Variants in JARID2 observed in about 807,000 individuals in gnomAD.
JARID2 encodes the protein jumonji and AT-rich interaction domain containing 2.
JARID2 carries 21 observed loss-of-function variants against 125.6 expected under a neutral mutation model. The ratio of observed to expected loss-of-function variants is 0.17; its 90% CI spans 0.12 to 0.24. The LOEUF is 0.24. Among genes scored for constraint, JARID2 ranks in the 10% least tolerant of loss-of-function variants. The probability of loss-of-function intolerance (pLI) is 1.00; values close to 1 mark genes in which losing one functional copy is unlikely to be tolerated. For missense variants in JARID2, 1,303 were observed against 1,639.6 expected, an observed-to-expected ratio of 0.79 and a Z score of 3.55; for synonymous variants, 736 against 661.6, an observed-to-expected ratio of 1.11 and a Z score of -1.73.
In JARID2 at chr6:15,470,366, G is replaced by C. The variant is rs564285152; in HGVS notation, c.670+1648G>C. On this transcript the variant is annotated intron_variant, in intron 5 of 17. Coordinates refer to ENST00000341776, the MANE Select transcript of JARID2 (RefSeq NM_004973.4). Reference sequence around the variant, plus strand: ...CGGAAAATCAGTGCTGTCTGTAAGTGATTGAGGCAAAGGAGAGCTGCTCAT... The same window carrying C: ...CGGAAAATCAGTGCTGTCTGTAAGTCATTGAGGCAAAGGAGAGCTGCTCAT... Among the ~76,000 whole-genome samples, 590 of 152,304 alleles carry C rather than the reference G, an allele frequency of 3.9e-3. 4 individuals carry two copies. The highest frequency in any genetic ancestry group is 0.02 in the Middle Eastern group (6 of 294).
At chr6:15,249,044 G>A (rs868421663) in intron 1 of JARID2, 2 of 745,836 alleles carry the variant, frequency 2.7e-6, no homozygotes, top group Admixed American at 6.3e-5. Flanking sequence ...CGGGGAGCGG[G>A]GAGGAGGCGC....
intron 3 of JARID2, among the ~76,000 whole-genome samples, chr6:15,429,494 G>T (rs973527758): frequency 1.3e-5 from 2 of 151,956 alleles, no homozygotes; most frequent in African/African-American, 4.8e-5. Context: ...GCGAACTCCT[G>T]GTGGCCTCAA....
intron 1 of JARID2, among the ~76,000 whole-genome samples, chr6:15,310,484 G>A (rs1000352727): frequency 2.6e-5 from 4 of 152,166 alleles, no homozygotes; most frequent in African/African-American, 7.2e-5. Context: ...AATTAAACAA[G>A]GATGGCCCTG....
chr6:15,418,529 G>C (rs1418650522), intron 3 of JARID2, among the ~76,000 whole-genome samples: 1 of 152,168 alleles, frequency 6.6e-6, no homozygotes, highest in Non-Finnish European at 1.5e-5. Flanking sequence ...ATATTCTTTA[G>C]AAGGGTATAT....
At chr6:15,338,911 CACTA>C in intron 1 of JARID2, among the ~76,000 whole-genome samples, 1 of 152,264 alleles carries the variant, frequency 6.6e-6, no homozygotes, top group Non-Finnish European at 1.5e-5. Context: ...TTCAGAATTT[CACTA>C]AAATATTTGA....
intron 7 of JARID2, among the ~76,000 whole-genome samples, chr6:15,500,677 A>G (rs1233724148): frequency 6.6e-6 from 1 of 151,914 alleles, no homozygotes; most frequent in East Asian, 1.9e-4. Context: ...TCCCCACCTA[A>G]AATGGTAGTC....
chr6:15,299,442 G>T (rs1036312500), intron 1 of JARID2, among the ~76,000 whole-genome samples: 2 of 152,170 alleles, frequency 1.3e-5, no homozygotes, highest in East Asian at 3.9e-4. Flanking sequence ...CAAAACATTT[G>T]TTGAGTCCCA....
At chr6:15,360,050 G>C (rs1323636561) in intron 1 of JARID2, among the ~76,000 whole-genome samples, 1 of 152,126 alleles carries the variant, frequency 6.6e-6, no homozygotes, top group Non-Finnish European at 1.5e-5. Context: ...TCTCTTATGA[G>C]TTAGGGCTTG....
intron 1 of JARID2, among the ~76,000 whole-genome samples, chr6:15,313,419 G>A (rs1029028660): frequency 1.3e-5 from 2 of 152,114 alleles, no homozygotes; most frequent in African/African-American, 4.8e-5. Flanking sequence ...CCAAGCCCTA[G>A]GAGGTACTGC....
intron 1 of JARID2, chr6:15,324,332 T>C (rs1464259903): frequency 6.6e-6 from 1 of 152,196 alleles, no homozygotes; most frequent in Non-Finnish European, 1.5e-5. Flanking sequence ...CTTGGAGTTT[T>C]ATAATTTTTT....
intron 1 of JARID2, among the ~76,000 whole-genome samples, chr6:15,246,954 G>GTTA (rs1338207979): frequency 6.6e-6 from 1 of 152,188 alleles, no homozygotes; most frequent in Non-Finnish European, 1.5e-5. Context: ...ATGAGCCTGT[G>GTTA]TTATTATTAT....
At chr6:15,368,973 G>T (rs574876446) in intron 1 of JARID2, among the ~76,000 whole-genome samples, 1 of 152,060 alleles carries the variant, frequency 6.6e-6, no homozygotes, top group African/African-American at 2.4e-5. Context: ...CTAACAGGCT[G>T]CCGAGTGGTT....
Position 15,496,475 on chromosome 6 carries a change from C to T in JARID2, c.1250C>T (p.Ser417Leu). ...LKVSGRLNPK[S>L]CTKEVGGRQL... ...GTCAGTGGCAGGTTGAACCCAAAGT[C>T]ATGCACTAAGGAGGTGGGGGGGCGG... is the stretch of plus-strand genomic sequence containing the variant. The change falls in exon 7 of 18, where the codon TCA becomes TTA. Residue 417 changes from serine (S) to leucine (L), a missense_variant. By Grantham distance (145) the Ser-to-Leu change is moderately radical. Transcript: ENST00000341776. The T allele has an allele frequency of 2.5e-6, 4 of 1,613,054 alleles. No homozygotes were observed. The highest frequency in any genetic ancestry group is 3.4e-6 in the Non-Finnish European group (4 of 1,179,578).
At chr6:15,270,753 G>T (rs911598810) in intron 1 of JARID2, among the ~76,000 whole-genome samples, 2 of 152,062 alleles carry the variant, frequency 1.3e-5, no homozygotes, top group Non-Finnish European at 2.9e-5. Flanking sequence ...TTTGAAACTA[G>T]CCTGGGCCAC....
intron 8 of JARID2, among the ~76,000 whole-genome samples, chr6:15,503,161 C>G (rs143327431): frequency 1.5e-3 from 228 of 152,322 alleles, no homozygotes; most frequent in African/African-American, 5.3e-3. Flanking sequence ...CGTGTGCCCA[C>G]GGGTAGGGAC....
intron 3 of JARID2, among the ~76,000 whole-genome samples, chr6:15,418,780 C>A (rs1766354242): frequency 6.6e-6 from 1 of 152,144 alleles, no homozygotes; most frequent in African/African-American, 2.4e-5. Context: ...TCAGTGTACT[C>A]TGAGATATGA....
At chr6:15,331,381 C>T (rs985027051) in intron 1 of JARID2, among the ~76,000 whole-genome samples, 2 of 151,206 alleles carry the variant, frequency 1.3e-5, no homozygotes, top group South Asian at 2.1e-4. Context: ...ACCTGTAGGC[C>T]AGGAGTGGTG....
intron 1 of JARID2, among the ~76,000 whole-genome samples, chr6:15,311,682 C>T (rs941667355): frequency 6.6e-6 from 1 of 151,928 alleles, no homozygotes; most frequent in African/African-American, 2.4e-5. Flanking sequence ...AAAGCAAAGT[C>T]CTTAACACAA....
At chr6:15,503,912 T>C (rs1296512886) in intron 8 of JARID2, among the ~76,000 whole-genome samples, 1 of 152,204 alleles carries the variant, frequency 6.6e-6, no homozygotes, top group African/African-American at 2.4e-5. Context: ...CAGAGGGGCA[T>C]CGAAGAAGAG....
Sources: allele counts gnomAD v4.1 joint callset (sites outside exome capture counted in the v4.1 genomes callset), GRCh38; gene constraint gnomAD v4.1.1; transcripts MANE v1.5; gene names NCBI Gene and HGNC (gene_info 2026-07-23, HGNC 2026-07-21).